The following PRKCE variants were observed in gnomAD, a reference collection of about 807,000 sequenced individuals.
PRKCE encodes the protein protein kinase C epsilon, also known as protein kinase C epsilon type.
PRKCE carries 16 observed loss-of-function variants against 85.4 expected under a neutral mutation model. The ratio of observed to expected loss-of-function variants is 0.19; its 90% CI spans 0.13 to 0.28. The LOEUF is 0.28. Ranked by LOEUF, PRKCE falls within the 10% of genes least tolerant of loss-of-function variation. The probability of loss-of-function intolerance (pLI) is 1.00; values close to 1 mark genes in which losing one functional copy is unlikely to be tolerated. For synonymous variants in PRKCE, 388 were observed against 371.5 expected (o/e 1.04, Z -0.51); for missense variants, 573 against 975.2 (o/e 0.59, Z 5.49).
intron 11 of PRKCE, among the ~76,000 whole-genome samples, chr2:46,113,714 G>T (rs1013204668): frequency 1.3e-5 from 2 of 152,200 alleles, no homozygotes; most frequent in Non-Finnish European, 2.9e-5. Context: ...CTCATGTAAG[G>T]GCTGCCACTT....
intron 2 of PRKCE, among the ~76,000 whole-genome samples, chr2:45,874,751 T>C (rs1694345065): frequency 1.3e-5 from 2 of 152,216 alleles, no homozygotes; most frequent in African/African-American, 4.8e-5. Context: ...CAGCCCACTG[T>C]TTCCAGAGAG....
intron 11 of PRKCE, among the ~76,000 whole-genome samples, chr2:46,109,098 G>A (rs983810606): frequency 2.6e-5 from 4 of 151,996 alleles, no homozygotes; most frequent in African/African-American, 9.7e-5. Flanking sequence ...GATTACTATA[G>A]CTTTATAGTA....
At chr2:45,840,182 G>A (rs778143411) in intron 1 of PRKCE, among the ~76,000 whole-genome samples, 16 of 152,184 alleles carry the variant, frequency 1.1e-4, no homozygotes, top group Non-Finnish European at 1.8e-4. Context: ...TTGAGTTGGA[G>A]GATATGAGAA....
At position 46,138,143 on chromosome 2, in the gene PRKCE, A is replaced by G. The variant is rs1675176477; in HGVS notation, c.1593-6950A>G. Reference sequence around the variant, plus strand: ...TCTTGTCATGTTGTGATTTTCTGGAAGAGATCTTCACTCCTACCGCAGGAG... The same window carrying G: ...TCTTGTCATGTTGTGATTTTCTGGAGGAGATCTTCACTCCTACCGCAGGAG... On this transcript the variant is annotated intron_variant, in intron 11 of 14. Transcript: ENST00000306156. This position sits in a 1 kb window ranked among gnomAD's most constrained non-coding sequence, Gnocchi z 4.2. Among the ~76,000 whole-genome samples the G allele has an allele frequency of 6.6e-6, 1 of 152,122 alleles. No homozygotes were observed. The highest frequency in any genetic ancestry group is 2.4e-5 in the African/African-American group (1 of 41,418).
At chr2:45,802,187 C>T (rs1687920664) in intron 1 of PRKCE, among the ~76,000 whole-genome samples, 1 of 151,724 alleles carries the variant, frequency 6.6e-6, no homozygotes, top group Admixed American at 6.6e-5. Flanking sequence ...GGAGTTGAAG[C>T]TCAGGAGTAG....
At position 45,982,225 on chromosome 2, in the gene PRKCE, C is replaced by CGGGTTA. The variant is rs540319268; in HGVS notation, c.693+1844_693+1845insGGGTTA. Among the ~76,000 whole-genome samples the CGGGTTA allele has an allele frequency of 1.1e-3, 159 of 145,304 alleles. 1 individual carries two copies. The highest frequency in any genetic ancestry group is 1.9e-3 in the Non-Finnish European group (126 of 65,844). ...CTGCCCCTCAGGGTGATGGGCTTGC[C>CGGGTTA]CTCTGCCGGGTTACTGAACTGCTGG... On this transcript the variant is annotated intron_variant, in intron 5 of 14. Coordinates refer to ENST00000306156, the MANE Select transcript of PRKCE (RefSeq NM_005400.3).
intron 10 of PRKCE, among the ~76,000 whole-genome samples, chr2:46,066,314 G>C (rs113830055): frequency 4.6e-5 from 7 of 152,294 alleles, no homozygotes; most frequent in African/African-American, 1.7e-4. Flanking sequence ...AAATGTTGAA[G>C]TAATGAGTCA....
chr2:45,938,029 C>T (rs1699602246), intron 2 of PRKCE, among the ~76,000 whole-genome samples: 1 of 152,244 alleles, frequency 6.6e-6, no homozygotes, highest in South Asian at 2.1e-4. Flanking sequence ...CCACTAATGT[C>T]ACTCAGAGGG....
Position 46,074,338 on chromosome 2 carries a change from G to A in PRKCE, c.1438-11870G>A, listed in dbSNP as rs568725253. 4.4e-3 allele frequency among the ~76,000 whole-genome samples: 653 copies of A among 149,210 alleles called. 4 individuals are homozygous for A. Among genetic ancestry groups the A allele is most frequent in the Admixed American group, 6.9e-3 (101 of 14,692 alleles). On this transcript the variant is annotated intron_variant, in intron 10 of 14. Transcript: ENST00000306156. The stretch of plus-strand genomic sequence containing the variant: ...TGAATCGGCTGGTCATTTTAATATC[G>A]ATGTGGGCATGTTCTAATCCCCTGG...
At chr2:45,881,488 G>A (rs549114008) in intron 2 of PRKCE, among the ~76,000 whole-genome samples, 5 of 152,274 alleles carry the variant, frequency 3.3e-5, no homozygotes, top group East Asian at 1.9e-4. Flanking sequence ...TATAAATATA[G>A]TGATTGCAGT....
chr2:45,863,370 C>G (rs976808177), intron 2 of PRKCE, among the ~76,000 whole-genome samples: 1 of 152,106 alleles, frequency 6.6e-6, no homozygotes. Flanking sequence ...TAGAGACAGG[C>G]TTGTCTGCAA....
intron 2 of PRKCE, among the ~76,000 whole-genome samples, chr2:45,928,413 A>G (rs13014267): frequency 0.29 from 44,258 of 152,046 alleles, 6,843 homozygotes; most frequent in South Asian, 0.38. Context: ...GATTACAGGC[A>G]CACACCACCA....
chr2:46,060,433 G>A (rs1460401061), intron 10 of PRKCE, among the ~76,000 whole-genome samples: 1 of 152,162 alleles, frequency 6.6e-6, no homozygotes, highest in African/African-American at 2.4e-5. Flanking sequence ...AGCAGTGAGG[G>A]TTAAGTGAGT....
chr2:45,696,569 T>C (rs1480390890), intron 1 of PRKCE, among the ~76,000 whole-genome samples: 10 of 152,116 alleles, frequency 6.6e-5, no homozygotes, highest in Non-Finnish European at 2.9e-5. Flanking sequence ...GTGTGGTGGG[T>C]GAAGCTGCTA....
At chr2:45,948,901 AT>A (rs1700422917) in intron 2 of PRKCE, among the ~76,000 whole-genome samples, 1 of 152,214 alleles carries the variant, frequency 6.6e-6, no homozygotes. Flanking sequence ...ATGGAACATA[AT>A]TTTATAGATT....
chr2:46,129,397 C>T (rs1674190488), intron 11 of PRKCE, among the ~76,000 whole-genome samples: 1 of 152,166 alleles, frequency 6.6e-6, no homozygotes, highest in Non-Finnish European at 1.5e-5. Context: ...CATGTACGTT[C>T]ACAGCACTTT....
In PRKCE at chr2:45,746,486, A is replaced by C. The variant is rs6734215; in HGVS notation, c.348+94038A>C. Among the ~76,000 whole-genome samples the C allele has an allele frequency of 4.8e-3, 733 of 152,320 alleles. 11 individuals are homozygous for C. The highest frequency in any genetic ancestry group is 0.017 in the African/African-American group (705 of 41,566). The stretch of plus-strand genomic sequence containing the variant: ...GAAACATTTATACCTTCATGCTTGG[A>C]GTTAGGAGTGTATCCATTCCCTATT... On this transcript the variant is annotated intron_variant, in intron 1 of 14. Transcript: ENST00000306156.
chr2:45,866,889 A>C (rs1693661303), intron 2 of PRKCE, among the ~76,000 whole-genome samples: 1 of 152,200 alleles, frequency 6.6e-6, no homozygotes, highest in African/African-American at 2.4e-5. Context: ...ATGCGTTAAT[A>C]ATTGTTGAAG....
intron 14 of PRKCE, among the ~76,000 whole-genome samples, chr2:46,162,222 G>T (rs1358946083): frequency 6.6e-6 from 1 of 152,112 alleles, no homozygotes; most frequent in African/African-American, 2.4e-5. Flanking sequence ...CTGCCTGGAT[G>T]TCTAGAGCAA....
Sources: gnomAD v4.1 joint callset for allele counts (sites outside exome capture counted in the v4.1 genomes callset) on GRCh38, gnomAD v4.1.1 for gene constraint, Gnocchi (gnomAD v3.1) non-coding constraint, MANE v1.5 for transcripts, NCBI Gene and HGNC (gene_info 2026-07-23, HGNC 2026-07-21) for gene names.